Variants in PARVG observed in about 807,000 individuals in gnomAD.
PARVG encodes parvin gamma.
Under a neutral mutation model 44.4 loss-of-function variants are expected in PARVG, and 36 were observed. That is an observed-to-expected ratio of 0.81 (90% CI 0.62 to 1.07). The LOEUF is 1.07. PARVG is among the 50% of genes least tolerant of loss of function. The pLI is 0.00. For missense variants in PARVG, 407 were observed against 407.4 expected (o/e 1.00, Z 0.01); for synonymous variants, 170 against 174.1 (o/e 0.98, Z 0.19).
At position 44,199,605 on chromosome 22, in the gene PARVG, G is replaced by T. The variant is rs569083911; in HGVS notation, c.813+883G>T. ...TGACGTGTGGTCTTGCAGGGCCACA[G>T]TGAAACGTGTTGGTTCAGATGCCTG... is the stretch of plus-strand genomic sequence containing the variant. On this transcript the variant is annotated intron_variant, in intron 12 of 13. Transcript: ENST00000444313. Among the ~76,000 whole-genome samples, 13 of 152,344 alleles carry T rather than the reference G, an allele frequency of 8.5e-5. No individual in the cohort carries two copies. In the South Asian group the frequency reaches 2.7e-3, roughly 32 times the overall value.
chr22:44,192,235 C>T, intron 8 of PARVG, 131 bp downstream of exon 8: 1 of 1,025,166 alleles, frequency 9.8e-7, no homozygotes, highest in Non-Finnish European at 1.4e-6. Flanking sequence ...TTCTCTCAGA[C>T]CCGAAAATGC....
In PARVG at chr22:44,198,633, G is replaced by A. The variant is rs754705607; in HGVS notation, c.724G>A (p.Val242Ile). 9.3e-6 allele frequency: 15 copies of A among 1,613,204 alleles called. No homozygotes were observed. Among genetic ancestry groups the A allele is most frequent in the East Asian group, 2.2e-5 (1 of 44,874 alleles). The stretch of plus-strand genomic sequence containing the variant: ...CCTTCCTTTGTAGTTTGCAGATGGG[G>A]TCATCTTACTCTTGCTGATTGGACA... ...QNLDTQFADGVILLLLIGQLE... is the reference protein window; with the variant it reads ...QNLDTQFADGIILLLLIGQLE... The change falls in exon 12 of 14, where the codon GTC (valine) becomes ATC (isoleucine). Residue 242 changes from valine (V) to isoleucine (I), a missense_variant. Physicochemically the swap from Val to Ile is conservative, Grantham distance 29. Transcript: ENST00000444313.
chr22:44,202,198 T>C (rs2054719327), intron 12 of PARVG, among the ~76,000 whole-genome samples: 1 of 152,198 alleles, frequency 6.6e-6, no homozygotes, highest in Admixed American at 6.5e-5. Context: ...GTTTCCCTCC[T>C]GTGGAGCCAA....
chr22:44,185,533 G>T, intron 3 of PARVG: 1 of 336,636 alleles, frequency 3.0e-6, no homozygotes, highest in Non-Finnish European at 5.7e-6. Flanking sequence ...AATAGGTAGG[G>T]TTGCCAGATA....
At chr22:44,173,756 G>T (rs1053303599) in intron 1 of PARVG, among the ~76,000 whole-genome samples, 8 of 152,176 alleles carry the variant, frequency 5.3e-5, no homozygotes, top group African/African-American at 1.9e-4. Flanking sequence ...GCCCCTTGGG[G>T]GATCTTTGGC....
intron 1 of PARVG, among the ~76,000 whole-genome samples, chr22:44,174,256 A>AG (rs1222821787): frequency 6.6e-6 from 1 of 151,898 alleles, no homozygotes; most frequent in Non-Finnish European, 1.5e-5. Context: ...CAGGTGGGGC[A>AG]GGGGGGTGGT....
intron 1 of PARVG, 110 bp from the exon 2 acceptor site, chr22:44,181,632 C>A (rs2054379116): frequency 1.2e-6 from 1 of 845,428 alleles, no homozygotes; most frequent in Non-Finnish European, 1.4e-6. Flanking sequence ...GCCTGCAGAA[C>A]CCCGGGGGCC....
intron 8 of PARVG, 56 bp downstream of exon 8, chr22:44,192,160 G>T: frequency 1.3e-6 from 2 of 1,579,080 alleles, no homozygotes; most frequent in South Asian, 2.2e-5. Flanking sequence ...GGTGGATGGG[G>T]GCAGGGTGGG....
chr22:44,202,858 C>T (rs1409659436), intron 12 of PARVG, among the ~76,000 whole-genome samples: 4 of 152,204 alleles, frequency 2.6e-5, no homozygotes, highest in Non-Finnish European at 4.4e-5. Flanking sequence ...GAGAGAGGAT[C>T]ATTCGCTCCC....
At chr22:44,187,957 T>C (rs1173672213) in intron 5 of PARVG, 79 bp downstream of exon 5, 1 of 1,415,100 alleles carries the variant, frequency 7.1e-7, no homozygotes, top group Non-Finnish European at 9.9e-7. Flanking sequence ...ACAGGTAGGC[T>C]CTCTCCTTCA....
chr22:44,181,990 G>A (rs902494715), intron 2 of PARVG, 73 bp downstream of exon 2: 3 of 981,200 alleles, frequency 3.1e-6, no homozygotes, highest in Admixed American at 6.1e-5. Flanking sequence ...ACACCACCTG[G>A]GAAGGATCCC....
intron 12 of PARVG, among the ~76,000 whole-genome samples, chr22:44,204,680 G>A (rs1261289802): frequency 6.6e-6 from 1 of 152,270 alleles, no homozygotes; most frequent in Non-Finnish European, 1.5e-5. Context: ...GTCCTGGTGG[G>A]GCTGGTGTGG....
rs9306473 is a variant in PARVG at position 44,181,270 on chromosome 22, G to T, written c.-189+85G>T. On this transcript the variant is annotated intron_variant, in intron 1 of 13. Coordinates refer to ENST00000444313, the MANE Select transcript of PARVG (RefSeq NM_022141.7). ...TATTGGGTGCCGTTGGTGGGTTTGA[G>T]TGAGTGGGGTCAGGAAGTGACTCAC... is the stretch of plus-strand genomic sequence containing the variant. The T allele has an allele frequency of 0.012, 11,207 of 922,096 alleles. 1,016 individuals carry two copies. In the African/African-American group the frequency reaches 0.19, roughly 15 times the overall value. 57.1% of individuals were successfully genotyped at this position (922,096 alleles called of 1,614,324 possible).
chr22:44,178,823 C>G (rs537613179), upstream of PARVG, among the ~76,000 whole-genome samples: 6 of 151,950 alleles, frequency 3.9e-5, no homozygotes, highest in African/African-American at 7.3e-5. Context: ...TTTTTTGAAG[C>G]CTTGGTGAAG....
intron 11 of PARVG, among the ~76,000 whole-genome samples, 182 bp downstream of exon 11, chr22:44,196,597 G>A (rs922213935): frequency 1.1e-4 from 13 of 114,552 alleles, no homozygotes; most frequent in Admixed American, 5.1e-4. Flanking sequence ...CAGGGACATG[G>A]TGGGATCCCG....
At chr22:44,205,065 C>T (rs2054761202) in intron 12 of PARVG, among the ~76,000 whole-genome samples, 1 of 152,160 alleles carries the variant, frequency 6.6e-6, no homozygotes, top group South Asian at 2.1e-4. Context: ...CTCTGAATCA[C>T]TGGGGGACTT....
At chr22:44,177,286 CT>C (rs2054327978), upstream of PARVG, among the ~76,000 whole-genome samples, 1 of 152,190 alleles carries the variant, frequency 6.6e-6, no homozygotes, top group African/African-American at 2.4e-5. Context: ...CTCTTCACCT[CT>C]AAATACATCA....
chr22:44,198,753 C>T, intron 12 of PARVG, 31 bp downstream of exon 12: 1 of 1,517,020 alleles, frequency 6.6e-7, no homozygotes, highest in East Asian at 2.2e-5. Flanking sequence ...TCTTTATGGT[C>T]TACCTCTAGG....
intron 12 of PARVG, among the ~76,000 whole-genome samples, chr22:44,200,271 A>G (rs1265492123): frequency 6.6e-6 from 1 of 152,204 alleles, no homozygotes; most frequent in Non-Finnish European, 1.5e-5. Context: ...GTCCACGGGC[A>G]GCCAAGGCTT....
Sources: gnomAD v4.1 joint callset for allele counts (sites outside exome capture counted in the v4.1 genomes callset) on GRCh38, gnomAD v4.1.1 for gene constraint, MANE v1.5 for transcripts, NCBI Gene and HGNC (gene_info 2026-07-23, HGNC 2026-07-21) for gene names.